Variants in LCOR observed in about 807,000 individuals in gnomAD.
LCOR encodes the protein ligand dependent nuclear receptor corepressor.
Under a neutral mutation model 64.4 loss-of-function variants are expected in LCOR, and 14 were observed. That is an observed-to-expected ratio of 0.22 (90% CI 0.14 to 0.34). The LOEUF is 0.34. LCOR is among the 10% of genes least tolerant of loss of function. The pLI, the probability that LCOR is intolerant of heterozygous loss-of-function variation, is 1.00. For synonymous variants in LCOR, 643 were observed against 642.5 expected, an observed-to-expected ratio of 1.00 and a Z score of -0.01; for missense variants, 1,686 against 1,765.3, an observed-to-expected ratio of 0.96 and a Z score of 0.80.
In LCOR at chr10:96,984,505, G is replaced by A. The variant is rs148911225; in HGVS notation, c.4045G>A (p.Val1349Ile). ...AVESKPSRKSVCINPLMSPKL... is the reference protein window; with the variant it reads ...AVESKPSRKSICINPLMSPKL... ...GGAAAGTAAGCCAAGTCGTAAGAGC[G>A]TATGCATCAACCCTCTGATGTCCCC... is the stretch of plus-strand genomic sequence containing the variant. Residue 1349 changes from valine to isoleucine, a missense_variant, in exon 8 of 8, where the codon GTA becomes ATA. Val to Ile is a conservative substitution (Grantham distance 29, BLOSUM62 3). Transcript: ENST00000421806. The A allele has an allele frequency of 1.0e-4, 166 of 1,614,212 alleles. No homozygotes were observed. In the East Asian group the frequency reaches 3.1e-3, roughly 30 times the overall value.
chr10:96,956,051 G>C (rs564501947), intron 7 of LCOR: 2 of 1,466,128 alleles, frequency 1.4e-6, no homozygotes, highest in Admixed American at 5.2e-5. Context: ...GCATTGACTT[G>C]TGTGTACAGA....
At chr10:96,923,951 G>A (rs1196792395) in intron 4 of LCOR, among the ~76,000 whole-genome samples, 4 of 152,072 alleles carry the variant, frequency 2.6e-5, no homozygotes, top group Non-Finnish European at 5.9e-5. Context: ...TTTACTCTCC[G>A]GCCCTTGACA....
At chr10:96,893,295 C>G (rs1846477218) in intron 2 of LCOR, among the ~76,000 whole-genome samples, 1 of 152,144 alleles carries the variant, frequency 6.6e-6, no homozygotes, top group South Asian at 2.1e-4. Flanking sequence ...ATATAGGGAA[C>G]AAAAGAGGCA....
chr10:96,951,471 A>AT (rs1847678343), intron 6 of LCOR, among the ~76,000 whole-genome samples: 1 of 152,110 alleles, frequency 6.6e-6, no homozygotes, highest in African/African-American at 2.4e-5. Context: ...TTTTTAAAGG[A>AT]TTGAATATAA....
chr10:96,911,928 T>TTTTC (rs546567995), intron 4 of LCOR, among the ~76,000 whole-genome samples: 1 of 152,134 alleles, frequency 6.6e-6, no homozygotes, highest in African/African-American at 2.4e-5. Flanking sequence ...GAGGCTTTTC[T>TTTTC]TTTCTTTCTT....
At chr10:96,867,768 T>TA (rs1845998680) in intron 2 of LCOR, among the ~76,000 whole-genome samples, 1 of 152,146 alleles carries the variant, frequency 6.6e-6, no homozygotes, top group African/African-American at 2.4e-5. Context: ...ATCTACTTAA[T>TA]ATGTAAAAAT....
At chr10:96,834,691 A>G (rs1845410918) in intron 2 of LCOR, among the ~76,000 whole-genome samples, 1 of 152,132 alleles carries the variant, frequency 6.6e-6, no homozygotes, top group African/African-American at 2.4e-5. Context: ...AGTCTTTGAA[A>G]GATTTTTAAA....
intron 4 of LCOR, among the ~76,000 whole-genome samples, chr10:96,925,085 A>G (rs1382733760): frequency 6.7e-6 from 1 of 149,866 alleles, no homozygotes; most frequent in Non-Finnish European, 1.5e-5. Flanking sequence ...TTATTTATTT[A>G]TTTATTTTTT....
At chr10:96,853,294 C>G (rs182718765) in intron 2 of LCOR, among the ~76,000 whole-genome samples, 5 of 152,220 alleles carry the variant, frequency 3.3e-5, no homozygotes, top group African/African-American at 1.2e-4. Flanking sequence ...GTGATCTGCC[C>G]GCCTCAGCCT....
At chr10:96,934,614 T>A (rs139242779) in intron 4 of LCOR, among the ~76,000 whole-genome samples, 1 of 152,268 alleles carries the variant, frequency 6.6e-6, no homozygotes, top group African/African-American at 2.4e-5. Flanking sequence ...TTTTATTTAT[T>A]TTTTTAAGAC....
In LCOR at chr10:96,982,935, C is replaced by T; in HGVS notation, c.2475C>T (p.Ser825=). The change falls in exon 8 of 8, where the codon TCC becomes TCT. Residue 825 remains serine (S), a synonymous_variant. Transcript: ENST00000421806. ...RCLRSQLSDS[S]SADRCLRNQS... ...TAAGAAGTCAACTTTCGGATTCTTCCTCTGCTGACAGATGCCTAAGAAATC... is the reference window on the plus strand; with the variant it reads ...TAAGAAGTCAACTTTCGGATTCTTCTTCTGCTGACAGATGCCTAAGAAATC... 2.5e-6 allele frequency: 4 copies of T among 1,613,440 alleles called. No individual in the cohort carries two copies. The highest frequency in any genetic ancestry group is 3.4e-6 in the Non-Finnish European group (4 of 1,179,856).
chr10:96,979,022 C>A (rs1848060471), intron 7 of LCOR, among the ~76,000 whole-genome samples: 1 of 152,224 alleles, frequency 6.6e-6, no homozygotes, highest in African/African-American at 2.4e-5. Context: ...AAGGTGGAAT[C>A]TCGGATCTCC....
chr10:96,946,151 T>C (rs996700068), intron 5 of LCOR, among the ~76,000 whole-genome samples: 2 of 152,038 alleles, frequency 1.3e-5, no homozygotes, highest in African/African-American at 4.8e-5. Context: ...TGTTTAGATA[T>C]AATCCTCTTG....
chr10:96,865,948 C>T (rs1845964443), intron 2 of LCOR, among the ~76,000 whole-genome samples: 1 of 150,870 alleles, frequency 6.6e-6, no homozygotes, highest in African/African-American at 2.4e-5. Flanking sequence ...ATATCCTTTT[C>T]TGGCCAATCT....
rs980154976 is a variant in LCOR at position 96,947,555 on chromosome 10, C to A, written c.-50-1453C>A. On this transcript the variant is annotated intron_variant, in intron 5 of 7. Coordinates refer to ENST00000421806, the MANE Select transcript of LCOR (RefSeq NM_001346516.2). ...AAGTTATTTGCCTTCTATAGCTAATCTTTAAAAGACTAAAGAAACCTTGGT... is the reference window on the plus strand; with the variant it reads ...AAGTTATTTGCCTTCTATAGCTAATATTTAAAAGACTAAAGAAACCTTGGT... 3.3e-5 allele frequency among the ~76,000 whole-genome samples: 5 copies of A among 152,182 alleles called. No individual in the cohort carries two copies. The South Asian group carries it at 6.2e-4, about 19-fold the overall frequency.
At chr10:96,939,973 G>A (rs1847420960) in intron 4 of LCOR, among the ~76,000 whole-genome samples, 1 of 152,150 alleles carries the variant, frequency 6.6e-6, no homozygotes, top group Admixed American at 6.5e-5. Flanking sequence ...AAAAATAAAA[G>A]ATCAAGGATC....
chr10:96,944,108 T>A lies in LCOR; in HGVS notation c.-183-5T>A. The stretch of plus-strand genomic sequence containing the variant: ...GTGCAACTATTTCACCAAGTATTTT[T>A]GCAGGGACACTTAGTCGGTCTGGAT... On this transcript the variant is annotated splice_region_variant and splice_polypyrimidine_tract_variant and intron_variant, in intron 4 of 7. Transcript: ENST00000421806. 1 of 985,720 alleles carries A rather than the reference T, an allele frequency of 1.0e-6. No homozygotes were observed. The highest frequency in any genetic ancestry group is 1.7e-5 in the African/African-American group (1 of 57,350). The allele number at this position is 985,720 out of a possible 1,614,324, so 61.1% of individuals were successfully genotyped here.
intron 2 of LCOR, among the ~76,000 whole-genome samples, chr10:96,871,231 T>TC (rs1846066877): frequency 6.6e-6 from 1 of 151,298 alleles, no homozygotes; most frequent in African/African-American, 2.4e-5. Flanking sequence ...TTTTTTTTTT[T>TC]CCTCTTGTAG....
At chr10:96,963,404 A>T (rs1446923594) in intron 7 of LCOR, 5 of 152,180 alleles carry the variant, frequency 3.3e-5, no homozygotes, top group Admixed American at 3.3e-4. Context: ...TCTTCACGAT[A>T]ACTACTACTA....
Sources: allele counts gnomAD v4.1 joint callset (sites outside exome capture counted in the v4.1 genomes callset), GRCh38; gene constraint gnomAD v4.1.1; transcripts MANE v1.5; gene names NCBI Gene and HGNC (gene_info 2026-07-23, HGNC 2026-07-21).